Variants in NUP88 observed in about 807,000 individuals in gnomAD.
The protein encoded by NUP88 is nuclear pore complex protein Nup88.
In NUP88, 57 loss-of-function variants were observed where a neutral mutation model predicts 93.9. That is an observed-to-expected ratio of 0.61 (90% CI 0.49 to 0.76). The LOEUF is 0.76. Ranked by LOEUF, NUP88 falls within the 30% of genes least tolerant of loss-of-function variation. The probability of loss-of-function intolerance (pLI) is 0.00; values close to 1 mark genes in which losing one functional copy is unlikely to be tolerated. For synonymous variants in NUP88, 346 were observed against 336.8 expected (o/e 1.03, Z -0.30); for missense variants, 911 against 901.0 (o/e 1.01, Z -0.14).
In NUP88 at chr17:5,388,866, C is replaced by G. The variant is rs746946108; in HGVS notation, c.1579G>C (p.Asp527His). The stretch of plus-strand genomic sequence containing the variant: ...CTTCTAATATGCTTTTCAAAGGAAT[C>G]TGGGGTTTCAGCCAGAACACGGAGG... ...SPLRVLAETP[D>H]SFEKHIRSIL... Residue 527 changes from aspartate to histidine, a missense_variant, in exon 11 of 17, where the codon GAT (aspartate) becomes CAT (histidine). Transcript: ENST00000573584. 8.7e-6 allele frequency: 14 copies of G among 1,613,978 alleles called. No homozygotes were observed. In the Admixed American group the frequency reaches 2.0e-4, roughly 23 times the overall value.
At chr17:5,416,141 T>C (rs1370959603) in intron 2 of NUP88, among the ~76,000 whole-genome samples, 3 of 58,986 alleles carry the variant, frequency 5.1e-5, no homozygotes, top group African/African-American at 1.3e-4. Flanking sequence ...CAAGACTCCA[T>C]CTCAAAAAAA....
intron 5 of NUP88, among the ~76,000 whole-genome samples, chr17:5,408,380 ATCTT>A (rs1913618472): frequency 6.6e-6 from 1 of 152,156 alleles, no homozygotes; most frequent in East Asian, 1.9e-4. Context: ...ATGTGTATGT[ATCTT>A]TCTCCCCACA....
At chr17:5,406,777 A>C (rs1318282645) in intron 5 of NUP88, among the ~76,000 whole-genome samples, 1 of 152,076 alleles carries the variant, frequency 6.6e-6, no homozygotes, top group Non-Finnish European at 1.5e-5. Flanking sequence ...AAAAAAAGAA[A>C]AGAAAAGAAA....
intron 5 of NUP88, 111 bp downstream of exon 5, chr17:5,408,622 G>A (rs920163977): frequency 7.9e-6 from 6 of 758,034 alleles, no homozygotes; most frequent in African/African-American, 3.6e-5. Flanking sequence ...GCATGTGAAG[G>A]CTGCAACATT....
At chr17:5,387,273 G>C in intron 14 of NUP88, 113 bp downstream of exon 14, 2 of 1,251,220 alleles carry the variant, frequency 1.6e-6, no homozygotes, top group East Asian at 2.3e-5. Context: ...TCAGAGGAGA[G>C]GCAGGGGGAT....
chr17:5,404,021 C>T, intron 7 of NUP88, 78 bp downstream of exon 7: 1 of 1,415,068 alleles, frequency 7.1e-7, no homozygotes, highest in Non-Finnish European at 9.7e-7. Flanking sequence ...AGAACAAATA[C>T]ATTACATAGG....
intron 2 of NUP88, 131 bp from the exon 3 acceptor site, chr17:5,414,265 G>C: frequency 1.5e-6 from 1 of 680,118 alleles, no homozygotes; most frequent in Non-Finnish European, 2.4e-6. Context: ...GCACAATCTC[G>C]GCTCACTGCA....
At position 5,385,663 on chromosome 17, in the gene NUP88, T is replaced by C. The variant is rs7426; in HGVS notation, c.*543A>G. 118,810 of 230,816 alleles carry C rather than the reference T, an allele frequency of 0.51. 33,742 individuals are homozygous for C. Among genetic ancestry groups the C allele is most frequent in the East Asian group, 0.98 (15,867 of 16,252 alleles). 14.3% of individuals were successfully genotyped at this position (230,816 alleles called of 1,614,324 possible). On this transcript the variant is annotated 3_prime_UTR_variant, in exon 17 of 17. Transcript: ENST00000573584. ...ACTCAGCTCTGAAAGGTAATACAGC[T>C]TGTGAGGAAGTGAGCCAGCAGTGGC...
chr17:5,388,756 C>G, intron 11 of NUP88, 46 bp downstream of exon 11: 1 of 1,542,790 alleles, frequency 6.5e-7, no homozygotes, highest in Non-Finnish European at 8.8e-7. Context: ...ATTCTGAAGA[C>G]AGAAGAGAAC....
intron 8 of NUP88, among the ~76,000 whole-genome samples, chr17:5,399,252 G>GT (rs34056158): frequency 0.56 from 76,661 of 136,132 alleles, 22,290 homozygotes; most frequent in Non-Finnish European, 0.61. Context: ...AGTTTTGGTA[G>GT]TTTTTTTTTT....
At chr17:5,409,305 C>T (rs148187750) in intron 4 of NUP88, among the ~76,000 whole-genome samples, 236 of 144,696 alleles carry the variant, frequency 1.6e-3, no homozygotes, top group Non-Finnish European at 2.9e-3. Flanking sequence ...ACCTGGGAGG[C>T]GGAGGTTGCA....
intron 8 of NUP88, among the ~76,000 whole-genome samples, chr17:5,397,888 C>CT (rs1054464990): frequency 6.6e-6 from 1 of 151,690 alleles, no homozygotes; most frequent in African/African-American, 2.4e-5. Context: ...GGTATTAATT[C>CT]TTTTTTTTAA....
At chr17:5,415,800 T>C (rs1392146289) in intron 2 of NUP88, among the ~76,000 whole-genome samples, 5 of 152,136 alleles carry the variant, frequency 3.3e-5, no homozygotes, top group African/African-American at 1.2e-4. Context: ...ATCTGTACTC[T>C]TTTCAGTAGA....
chr17:5,406,022 C>T (rs563081589), intron 5 of NUP88, among the ~76,000 whole-genome samples: 2 of 152,236 alleles, frequency 1.3e-5, no homozygotes, highest in South Asian at 4.2e-4. Flanking sequence ...CTTTGGATCC[C>T]CATATTAAAT....
rs761726000 is a variant in NUP88 at position 5,410,692 on chromosome 17, T to C, written c.680+11A>G. The C allele has an allele frequency of 2.6e-5, 39 of 1,522,770 alleles. No individual in the cohort carries two copies. Among genetic ancestry groups the C allele is most frequent in the South Asian group, 1.2e-5 (1 of 85,104 alleles). 94.3% of individuals were successfully genotyped at this position (1,522,770 alleles called of 1,614,324 possible). ...TTAAAAAACCATTTCAAGACTCAAA[T>C]AAAAACTTACCCTTTATTGAGTACT... On this transcript the variant is annotated intron_variant, in intron 4 of 16. Transcript: ENST00000573584.
rs759021015 is a variant in NUP88, at chr17:5,404,250, TA to T, written c.1045-5del. On this transcript the variant is annotated splice_polypyrimidine_tract_variant and splice_region_variant and intron_variant, in intron 6 of 16. Transcript: ENST00000573584. ...TGGAATCCCAGGACTTTTCTGACTG[TA>T]AAAAAAAGTGTTGTAATTTTGATCT... The T allele has an allele frequency of 8.1e-6, 13 of 1,605,592 alleles. No homozygotes were observed. Among genetic ancestry groups the T allele is most frequent in the South Asian group, 2.2e-5 (2 of 89,444 alleles).
At chr17:5,388,780 C>G in intron 11 of NUP88, 22 bp downstream of exon 11, 1 of 1,600,256 alleles carries the variant, frequency 6.2e-7, no homozygotes. Context: ...TTCATAAAAC[C>G]GCTATGCCCA....
chr17:5,404,123 A>G lies in NUP88; in HGVS notation c.1168T>C (p.Ser390Pro), dbSNP rs1913341054. The change falls in exon 7 of 17, where the codon TCT becomes CCT. Residue 390 changes from serine (S) to proline (P), a missense_variant. By Grantham distance (74) the Ser-to-Pro change is moderately conservative. Transcript: ENST00000573584. The part of the protein sequence containing the change: ...GEDDPFDSDF[S>P]CPVKLHRDPK... Reference sequence around the variant, plus strand: ...CCTCTATGAAGTTTGACTGGACAAGAAAAGTCAGAATCAAAAGGGTCATCC... The same window carrying G: ...CCTCTATGAAGTTTGACTGGACAAGGAAAGTCAGAATCAAAAGGGTCATCC... 6.2e-7 allele frequency: 1 copy of G among 1,614,162 alleles called. No homozygotes were observed. The highest frequency in any genetic ancestry group is 8.5e-7 in the Non-Finnish European group (1 of 1,180,014).
intron 10 of NUP88, among the ~76,000 whole-genome samples, chr17:5,389,353 T>C (rs1006178287): frequency 1.3e-5 from 2 of 152,244 alleles, no homozygotes; most frequent in African/African-American, 2.4e-5. Flanking sequence ...ATATACCATA[T>C]TGGTTCTATA....
Sources: allele counts gnomAD v4.1 joint callset (sites outside exome capture counted in the v4.1 genomes callset), GRCh38; gene constraint gnomAD v4.1.1; transcripts MANE v1.5; gene names NCBI Gene and HGNC (gene_info 2026-07-23, HGNC 2026-07-21).